Variants in GRIN2B observed in about 807,000 individuals in gnomAD.
The protein encoded by GRIN2B is glutamate receptor ionotropic, NMDA 2B.
GRIN2B carries 5 observed loss-of-function variants against 114.5 expected under a neutral mutation model. The observed-to-expected ratio is 0.04, with a 90% CI of 0.02 to 0.09. The LOEUF (loss-of-function observed/expected upper bound fraction) is 0.09. Ranked by LOEUF, GRIN2B falls within the 10% of genes least tolerant of loss-of-function variation. GRIN2B has a pLI of 1.00. For synonymous variants in GRIN2B, 787 were observed against 745.1 expected (o/e 1.06, Z -0.92); for missense variants, 1,108 against 1,943.5 (o/e 0.57, Z 8.08).
At chr12:13,813,290 C>A (rs917513890) in intron 3 of GRIN2B, among the ~76,000 whole-genome samples, 5 of 152,060 alleles carry the variant, frequency 3.3e-5, no homozygotes, top group Non-Finnish European at 7.4e-5. Context: ...AGCAATAAAG[C>A]TATTTAGAGT....
Position 13,719,797 on chromosome 12 carries a change from G to A in GRIN2B, c.1010+33520C>T, listed in dbSNP as rs1037922024. Among the ~76,000 whole-genome samples, 11 of 152,122 alleles carry A rather than the reference G, an allele frequency of 7.2e-5. No individual in the cohort carries two copies. In the South Asian group the frequency reaches 1.2e-3, roughly 17 times the overall value. On this transcript the variant is annotated intron_variant, in intron 4 of 13. Coordinates refer to ENST00000609686, the MANE Select transcript of GRIN2B (RefSeq NM_000834.5). The stretch of plus-strand genomic sequence containing the variant: ...CAGGAGGAAATTCTTTCGTTATTTC[G>A]GAGAAATGAAAGGCAATTTTTAGGG...
In GRIN2B at chr12:13,753,074, C is replaced by T. The variant is rs1164848248; in HGVS notation, c.1010+243G>A. Among the ~76,000 whole-genome samples, 2 of 152,180 alleles carry T rather than the reference C, an allele frequency of 1.3e-5. No homozygotes were observed. Among genetic ancestry groups the T allele is most frequent in the South Asian group, 4.1e-4 (2 of 4,824 alleles). On this transcript the variant is annotated intron_variant, in intron 4 of 13. Transcript: ENST00000609686. This position sits in a 1 kb window ranked among gnomAD's most constrained non-coding sequence, Gnocchi z 6.2. ...GAGTTATTTTGAGGATCAAATGAAA[C>T]CAAACATGCAAAACCCTTAGAGTAA...
At position 13,546,494 on chromosome 12, in the gene GRIN2B, C is replaced by T. The variant is rs1039948118; in HGVS notation, c.*16289G>A. On this transcript the variant is annotated 3_prime_UTR_variant, in exon 14 of 14. Coordinates refer to ENST00000609686, the MANE Select transcript of GRIN2B (RefSeq NM_000834.5). Reference sequence around the variant, plus strand: ...CTGGATGTGGGTGTCATCGTCTCTTCACCACCAAACCATTCTACCCCAATT... The same window carrying T: ...CTGGATGTGGGTGTCATCGTCTCTTTACCACCAAACCATTCTACCCCAATT... 2.0e-5 allele frequency: 3 copies of T among 152,200 alleles called. No homozygotes were observed. Among genetic ancestry groups the T allele is most frequent in the African/African-American group, 7.2e-5 (3 of 41,448 alleles). 9.4% of individuals were successfully genotyped at this position (152,200 alleles called of 1,614,324 possible).
chr12:13,869,564 C>T (rs1379814812), intron 2 of GRIN2B, among the ~76,000 whole-genome samples: 1 of 152,100 alleles, frequency 6.6e-6, no homozygotes, highest in Non-Finnish European at 1.5e-5. Flanking sequence ...ATTAGATACT[C>T]ACAAAAACAT....
chr12:13,603,041 G>A (rs1286926491), intron 10 of GRIN2B, among the ~76,000 whole-genome samples: 1 of 152,006 alleles, frequency 6.6e-6, no homozygotes, highest in Admixed American at 6.6e-5. Flanking sequence ...AGACCCCACT[G>A]ACCCCCTAAC....
intron 3 of GRIN2B, among the ~76,000 whole-genome samples, chr12:13,784,882 T>C (rs1172138935): frequency 6.6e-6 from 1 of 152,042 alleles, no homozygotes; most frequent in Non-Finnish European, 1.5e-5. Flanking sequence ...GATGCAGGAG[T>C]GAGTCCAGTT....
intron 10 of GRIN2B, among the ~76,000 whole-genome samples, chr12:13,594,511 C>A (rs1949048364): frequency 6.7e-6 from 1 of 148,386 alleles, no homozygotes; most frequent in African/African-American, 2.5e-5. Context: ...ACATCACACA[C>A]TGGGGCCTGT....
At chr12:13,790,381 C>T (rs1591732367) in intron 3 of GRIN2B, among the ~76,000 whole-genome samples, 1 of 152,204 alleles carries the variant, frequency 6.6e-6, no homozygotes, top group African/African-American at 2.4e-5. Context: ...TGAGTCACCT[C>T]TCTTATTATC....
At chr12:13,731,033 A>G (rs1863079888) in intron 4 of GRIN2B, among the ~76,000 whole-genome samples, 1 of 152,114 alleles carries the variant, frequency 6.6e-6, no homozygotes, top group East Asian at 1.9e-4. Flanking sequence ...CCCTGGAACT[A>G]TAGCTGATGT....
intron 5 of GRIN2B, among the ~76,000 whole-genome samples, chr12:13,644,781 G>T (rs1396366861): frequency 2.0e-5 from 3 of 152,138 alleles, no homozygotes; most frequent in African/African-American, 4.8e-5. Context: ...TATGAACATG[G>T]CTTCTTTCCT....
intron 2 of GRIN2B, among the ~76,000 whole-genome samples, chr12:13,907,190 T>C (rs1363330734): frequency 6.6e-6 from 1 of 152,142 alleles, no homozygotes; most frequent in East Asian, 1.9e-4. Flanking sequence ...GGTAAGATGC[T>C]AAGAAAAAGC....
intron 3 of GRIN2B, among the ~76,000 whole-genome samples, chr12:13,826,384 T>C (rs1208063437): frequency 1.3e-5 from 2 of 152,038 alleles, no homozygotes; most frequent in East Asian, 3.9e-4. Context: ...GGCAGGAGAA[T>C]CGCTTGAACC....
intron 2 of GRIN2B, among the ~76,000 whole-genome samples, chr12:13,927,054 T>C (rs1189935339): frequency 6.6e-6 from 1 of 151,764 alleles, no homozygotes; most frequent in Non-Finnish European, 1.5e-5. Flanking sequence ...CTGAGAGCAT[T>C]TGAGTGAAAG....
At chr12:13,693,429 T>C (rs1950231606) in intron 4 of GRIN2B, among the ~76,000 whole-genome samples, 1 of 152,132 alleles carries the variant, frequency 6.6e-6, no homozygotes, top group Non-Finnish European at 1.5e-5. Context: ...ATATACCTTA[T>C]AGCCCTTCCT....
chr12:13,572,005 AGG>A, intron 10 of GRIN2B, 41 bp from the exon 11 acceptor site: 1 of 1,475,518 alleles, frequency 6.8e-7, no homozygotes, highest in Non-Finnish European at 9.4e-7. Context: ...CGGGAGATGG[AGG>A]GAGAGAGAGA....
intron 4 of GRIN2B, among the ~76,000 whole-genome samples, chr12:13,698,201 A>G (rs1365008125): frequency 3.3e-5 from 5 of 152,248 alleles, no homozygotes; most frequent in Non-Finnish European, 4.4e-5. Flanking sequence ...TACTGATGCA[A>G]TACCATGCGG....
intron 5 of GRIN2B, among the ~76,000 whole-genome samples, chr12:13,664,473 T>A (rs2136529925): frequency 6.6e-6 from 1 of 152,198 alleles, no homozygotes; most frequent in East Asian, 1.9e-4. Flanking sequence ...GTATCATTAC[T>A]ATAAATGTAA....
intron 3 of GRIN2B, among the ~76,000 whole-genome samples, chr12:13,829,298 T>A (rs1218086234): frequency 6.6e-6 from 1 of 152,236 alleles, no homozygotes; most frequent in Non-Finnish European, 1.5e-5. Flanking sequence ...AAGATGTAAC[T>A]GCCATTAGAT....
intron 2 of GRIN2B, 55 bp from the exon 3 acceptor site, chr12:13,866,281 C>T (rs1865828514): frequency 6.7e-7 from 1 of 1,492,588 alleles, no homozygotes; most frequent in Non-Finnish European, 9.2e-7. Context: ...CGTAACCTGT[C>T]TTAGAAGAGG....
Sources: allele counts gnomAD v4.1 joint callset (sites outside exome capture counted in the v4.1 genomes callset), GRCh38; gene constraint gnomAD v4.1.1; non-coding constraint Gnocchi (gnomAD v3.1); transcripts MANE v1.5; gene names NCBI Gene and HGNC (gene_info 2026-07-23, HGNC 2026-07-21).